Variants in ZNF224 observed in about 807,000 individuals in gnomAD.
ZNF224 encodes zinc finger protein 224, also known as bone marrow zinc finger 2.
Under a neutral mutation model 10.5 loss-of-function variants are expected in ZNF224, and 8 were observed. The observed-to-expected ratio is 0.76, with a 90% confidence interval of 0.45 to 1.37. ZNF224 has a LOEUF of 1.37. Among genes scored for constraint, ZNF224 ranks in the 40% most tolerant of loss-of-function variants. The pLI is 0.00. For missense variants in ZNF224, 754 were observed against 854.0 expected (o/e 0.88, Z 1.46); for synonymous variants, 282 against 287.8 (o/e 0.98, Z 0.20).
intron 1 of ZNF224, chr19:44,095,838 C>T (rs1967424585): frequency 6.7e-6 from 1 of 149,390 alleles, no homozygotes; most frequent in Non-Finnish European, 1.5e-5. Context: ...GCAGGAGAAT[C>T]GTTTGAATCT....
In ZNF224 at chr19:44,108,016, G is replaced by T. The variant is rs143584167; in HGVS notation, c.1856G>T (p.Ser619Ile). Residue 619 changes from serine to isoleucine, a missense_variant, in exon 6 of 6, where the codon AGC (serine) becomes ATC (isoleucine). Transcript: ENST00000693561. ...STRLTHQRRH[S>I]RETPLKCEQH... Reference sequence around the variant, plus strand: ...CGTCTGACCCATCAGAGACGCCACAGCAGAGAAACACCTCTCAAATGTGAG... The same window carrying T: ...CGTCTGACCCATCAGAGACGCCACATCAGAGAAACACCTCTCAAATGTGAG... The T allele has an allele frequency of 2.5e-4, 402 of 1,614,200 alleles. 2 individuals are homozygous for T. In the East Asian group the frequency reaches 8.3e-3, roughly 33 times the overall value.
intron 1 of ZNF224, chr19:44,094,924 G>A (rs1274533302): frequency 6.5e-6 from 1 of 152,896 alleles, no homozygotes; most frequent in Non-Finnish European, 1.5e-5. Context: ...CCAGCTGCAG[G>A]GGCCTCGGCC....
At position 44,108,785 on chromosome 19, in the gene ZNF224, A is replaced by G. The variant is rs765948196; in HGVS notation, c.*501A>G. 14 of 500,486 alleles carry G rather than the reference A, an allele frequency of 2.8e-5. No individual in the cohort carries two copies. Among genetic ancestry groups the G allele is most frequent in the African/African-American group, 2.1e-4 (11 of 51,656 alleles). The allele number at this position is 500,486 out of a possible 1,614,324, so 31.0% of individuals were successfully genotyped here. On this transcript the variant is annotated 3_prime_UTR_variant, in exon 6 of 6. Transcript: ENST00000693561. ...TGTTAAATCAATGAAAGGATAAAAC[A>G]TATGTATGGATTTGGATACAATTTT...
chr19:44,107,012 G>T lies in ZNF224; in HGVS notation c.852G>T (p.Gly284=), dbSNP rs149917035. 2.5e-6 allele frequency: 4 copies of T among 1,608,394 alleles called. No homozygotes were observed. The African/African-American group carries it at 5.3e-5, about 22-fold the overall frequency. ...AAGAACATCAGAGAATCCATACGGG[G>T]GAGAAGCCATTCAAATGTGATATAT... The part of the protein sequence containing the change: ...QLQEHQRIHT[G]EKPFKCDICG... The change falls in exon 6 of 6, where the codon GGG becomes GGT. Residue 284 remains glycine (G), a synonymous_variant. Transcript: ENST00000693561.
At chr19:44,100,770 A>G (rs1418382379) in intron 3 of ZNF224, 31 bp from the exon 4 acceptor site, 5 of 1,605,662 alleles carry the variant, frequency 3.1e-6, no homozygotes, top group Non-Finnish European at 4.3e-6. Flanking sequence ...ATTGGTCATG[A>G]GACTGAGATT....
chr19:44,106,501 C>T lies in ZNF224; in HGVS notation c.341C>T (p.Ser114Phe). 1 of 1,614,160 alleles carries T rather than the reference C, an allele frequency of 6.2e-7. No homozygotes were observed. Among genetic ancestry groups the T allele is most frequent in the Non-Finnish European group, 8.5e-7 (1 of 1,180,008 alleles). Residue 114 changes from serine to phenylalanine, a missense_variant, in exon 6 of 6, where the codon TCT becomes TTT. Transcript: ENST00000693561. ...AAAATTGCAAGTGATTTAACCAGGT[C>T]TCAAGACTTGATGATAAATAGCTCT... is the stretch of plus-strand genomic sequence containing the variant. ...WEKIASDLTR[S>F]QDLMINSSQF...
chr19:44,097,946 C>T, intron 3 of ZNF224, 58 bp downstream of exon 3: 3 of 1,594,392 alleles, frequency 1.9e-6, no homozygotes, highest in Non-Finnish European at 1.7e-6. Flanking sequence ...TAAATTGTCA[C>T]AAGTTTTCCT....
At position 44,107,803 on chromosome 19, in the gene ZNF224, G is replaced by C. The variant is rs1363216032; in HGVS notation, c.1643G>C (p.Ser548Thr). 3.7e-6 allele frequency: 6 copies of C among 1,601,656 alleles called. No homozygotes were observed. The highest frequency in any genetic ancestry group is 3.4e-5 in the Admixed American group (2 of 58,986). The change falls in exon 6 of 6, where the codon AGT becomes ACT. Residue 548 changes from serine (S) to threonine (T), a missense_variant. Coordinates refer to ENST00000693561, the MANE Select transcript of ZNF224 (RefSeq NM_001321645.3). Reference sequence around the variant, plus strand: ...TACAATTGTAAGGAATGTGGGAAGAGTTTTGGCTGGGCCTCGTGTCTTTTG... The same window carrying C: ...TACAATTGTAAGGAATGTGGGAAGACTTTTGGCTGGGCCTCGTGTCTTTTG... ...RPYNCKECGKSFGWASCLLKH... is the reference protein window; with the variant it reads ...RPYNCKECGKTFGWASCLLKH...
At chr19:44,099,181 C>T (rs1001411023) in intron 3 of ZNF224, among the ~76,000 whole-genome samples, 5 of 152,138 alleles carry the variant, frequency 3.3e-5, no homozygotes, top group Admixed American at 1.3e-4. Context: ...CAGGTGGCAT[C>T]GCTCCTCCCT....
rs745637278 is a variant in ZNF224, at chr19:44,106,731, C to G, written c.571C>G (p.Leu191Val). The G allele has an allele frequency of 1.2e-6, 2 of 1,610,126 alleles. No individual in the cohort carries two copies. The highest frequency in any genetic ancestry group is 1.3e-5 in the African/African-American group (1 of 74,974). The change falls in exon 6 of 6, where the codon CTT becomes GTT. Residue 191 changes from leucine to valine, a missense_variant. Transcript: ENST00000693561. ...CGKNFCYISALRIHQRVHMGE... is the reference protein window; with the variant it reads ...CGKNFCYISAVRIHQRVHMGE... ...AAAGAACTTTTGTTACATCTCAGCC[C>G]TTCGTATTCATCAGAGAGTCCACAT...
intron 5 of ZNF224, among the ~76,000 whole-genome samples, chr19:44,104,707 G>T (rs1967615076): frequency 6.6e-6 from 1 of 151,738 alleles, no homozygotes; most frequent in Non-Finnish European, 1.5e-5. Context: ...TGTCACCCAG[G>T]CTGGAGTGCA....
At position 44,109,612 on chromosome 19, in the gene ZNF224, C is replaced by T. The variant is rs894050787; in HGVS notation, c.*1328C>T. 4 of 152,040 alleles carry T rather than the reference C, an allele frequency of 2.6e-5. No individual in the cohort carries two copies. The highest frequency in any genetic ancestry group is 5.9e-5 in the Non-Finnish European group (4 of 68,000). 9.4% of individuals were successfully genotyped at this position (152,040 alleles called of 1,614,324 possible). ...GGAAACTATGCCTATGACACTAAAA[C>T]TCCAAAAAGTAGAAGACCACATTGA... On this transcript the variant is annotated 3_prime_UTR_variant, in exon 6 of 6. Transcript: ENST00000693561.
chr19:44,103,485 G>A (rs1967587295), intron 5 of ZNF224, among the ~76,000 whole-genome samples: 1 of 152,062 alleles, frequency 6.6e-6, no homozygotes, highest in African/African-American at 2.4e-5. Context: ...ATGTCTATGG[G>A]TTACTTCAGT....
chr19:44,095,544 T>G (rs1967420277), intron 1 of ZNF224: 1 of 152,212 alleles, frequency 6.6e-6, no homozygotes, highest in Non-Finnish European at 1.5e-5. Flanking sequence ...AAAAATGTTG[T>G]CAACTATTTT....
intron 5 of ZNF224, among the ~76,000 whole-genome samples, chr19:44,105,090 C>G (rs1392768186): frequency 6.6e-6 from 1 of 152,202 alleles, no homozygotes; most frequent in Non-Finnish European, 1.5e-5. Context: ...CCTTAAATCA[C>G]GTTGCTCTTT....
intron 1 of ZNF224, chr19:44,094,848 C>T (rs979538655): frequency 6.6e-6 from 1 of 152,352 alleles, no homozygotes; most frequent in African/African-American, 2.4e-5. Context: ...TTAAAGCAGT[C>T]CCTGTCACTT....
In ZNF224 at chr19:44,107,152, TTAA is replaced by T; in HGVS notation, c.995_997del (p.Asn332del). The T allele has an allele frequency of 6.2e-7, 1 of 1,607,094 alleles. No individual in the cohort carries two copies. Among genetic ancestry groups the T allele is most frequent in the East Asian group, 2.2e-5 (1 of 44,850 alleles). On this transcript the variant is annotated inframe_deletion, in exon 6 of 6. Transcript: ENST00000693561. ...AAGAGCTTTCGTCAGAGATCAGCAC[TTAA>T]TAGTCATCGCATGATCCACACAGGA... is the stretch of plus-strand genomic sequence containing the variant.
rs376738184 is a variant in ZNF224 at position 44,103,693 on chromosome 19, CT to C, written c.235+2475del. On this transcript the variant is annotated intron_variant, in intron 5 of 5. Transcript: ENST00000693561. The stretch of plus-strand genomic sequence containing the variant: ...TATATTTTCTGCCCTCTTTTTTCTT[CT>C]TTTTTTATTTTTTTGAGACAGGGTC... Among the ~76,000 whole-genome samples the C allele has an allele frequency of 4.7e-4, 72 of 151,700 alleles. 1 individual carries two copies. The East Asian group carries it at 0.013, about 28-fold the overall frequency.
In ZNF224 at chr19:44,108,038, T is replaced by C. The variant is rs754124467; in HGVS notation, c.1878T>C (p.Cys626=). ...RRHSRETPLK[C]EQHGKNIVQN... is the part of the protein sequence containing the mutation. ...ACAGCAGAGAAACACCTCTCAAATG[T>C]GAGCAGCATGGGAAGAACATTGTAC... is the stretch of plus-strand genomic sequence containing the variant. Residue 626 remains cysteine (C), a synonymous_variant, in exon 6 of 6, where the codon TGT becomes TGC. Transcript: ENST00000693561. The C allele has an allele frequency of 6.2e-7, 1 of 1,614,144 alleles. No individual in the cohort carries two copies. The highest frequency in any genetic ancestry group is 2.2e-5 in the East Asian group (1 of 44,862).
Sources: gnomAD v4.1 joint callset for allele counts (sites outside exome capture counted in the v4.1 genomes callset) on GRCh38, gnomAD v4.1.1 for gene constraint, MANE v1.5 for transcripts, NCBI Gene and HGNC (gene_info 2026-07-23, HGNC 2026-07-21) for gene names.